SMURF1: variants seen among roughly 807,000 people sequenced by gnomAD.
SMURF1 encodes SMAD specific E3 ubiquitin protein ligase 1.
Under a neutral mutation model 98.0 loss-of-function variants are expected in SMURF1, and 44 were observed. The ratio of observed to expected loss-of-function variants is 0.45; its 90% confidence interval spans 0.35 to 0.58. The LOEUF (loss-of-function observed/expected upper bound fraction) is 0.58, where lower values mean the gene tolerates loss of function less well. SMURF1 is among the 20% of genes least tolerant of loss of function. The pLI is 0.00. For missense variants in SMURF1, 687 were observed against 938.4 expected (o/e 0.73, Z 3.50); for synonymous variants, 396 against 374.9 (o/e 1.06, Z -0.65).
At chr7:99,053,486 A>T (rs1795809972) in intron 6 of SMURF1, among the ~76,000 whole-genome samples, 1 of 152,204 alleles carries the variant, frequency 6.6e-6, no homozygotes, top group African/African-American at 2.4e-5. Flanking sequence ...ATTGTCTCAT[A>T]AATCAGGATC....
At chr7:99,092,550 C>T (rs1051715213) in intron 1 of SMURF1, among the ~76,000 whole-genome samples, 2 of 152,192 alleles carry the variant, frequency 1.3e-5, no homozygotes, top group East Asian at 1.9e-4. Flanking sequence ...GTTTCAGCCT[C>T]GTACTGTCAA....
chr7:99,061,692 A>T, intron 2 of SMURF1, 107 bp downstream of exon 2: 1 of 797,388 alleles, frequency 1.3e-6, no homozygotes, highest in Non-Finnish European at 1.9e-6. Flanking sequence ...TCTATTAAGT[A>T]AAGGGCAAAA....
At chr7:99,138,016 C>A (rs1483125027) in intron 1 of SMURF1, among the ~76,000 whole-genome samples, 1 of 152,044 alleles carries the variant, frequency 6.6e-6, no homozygotes, top group African/African-American at 2.4e-5. Context: ...AGAATGAGTT[C>A]CCTGGACAAG....
chr7:99,041,058 A>G (rs1795359838), intron 12 of SMURF1, among the ~76,000 whole-genome samples: 1 of 152,150 alleles, frequency 6.6e-6, no homozygotes, highest in Non-Finnish European at 1.5e-5. Flanking sequence ...AAGAAATGCT[A>G]AGGGGGAGAA....
At chr7:99,097,170 C>T (rs1455728453) in intron 1 of SMURF1, among the ~76,000 whole-genome samples, 4 of 151,610 alleles carry the variant, frequency 2.6e-5, no homozygotes, top group African/African-American at 9.7e-5. Context: ...AAAAAAGTTG[C>T]AAATCAGGCA....
chr7:99,094,258 A>C (rs1455840394), intron 1 of SMURF1, among the ~76,000 whole-genome samples: 1 of 152,244 alleles, frequency 6.6e-6, no homozygotes, highest in East Asian at 1.9e-4. Context: ...GTCTCTATTA[A>C]TTGAAAACAC....
intron 1 of SMURF1, among the ~76,000 whole-genome samples, chr7:99,067,746 G>A (rs1796228883): frequency 6.6e-6 from 1 of 152,176 alleles, no homozygotes; most frequent in Admixed American, 6.5e-5. Flanking sequence ...GAGGCCAGGA[G>A]TTCCAGACCA....
intron 1 of SMURF1, among the ~76,000 whole-genome samples, chr7:99,141,925 G>A (rs943282017): frequency 1.4e-4 from 21 of 152,196 alleles, no homozygotes; most frequent in Admixed American, 1.2e-3. Flanking sequence ...ACGGGGATTA[G>A]AATGAACTTT....
chr7:99,037,320 C>T (rs1795183796), intron 14 of SMURF1, 133 bp from the exon 15 acceptor site: 2 of 1,095,510 alleles, frequency 1.8e-6, no homozygotes, highest in South Asian at 1.4e-5. Context: ...TCACTGCAAC[C>T]TCAGCCTCCT....
At chr7:99,086,283 TTTCA>T (rs1796676693) in intron 1 of SMURF1, among the ~76,000 whole-genome samples, 1 of 151,690 alleles carries the variant, frequency 6.6e-6, no homozygotes, top group Non-Finnish European at 1.5e-5. Flanking sequence ...GAGACGGAAG[TTTCA>T]TTGAGCCAAG....
At chr7:99,142,481 G>A (rs1031184208) in intron 1 of SMURF1, among the ~76,000 whole-genome samples, 1 of 151,552 alleles carries the variant, frequency 6.6e-6, no homozygotes, top group Admixed American at 6.6e-5. Context: ...AGCAGGACTG[G>A]GAGCAGCTAC....
intron 1 of SMURF1, among the ~76,000 whole-genome samples, chr7:99,065,334 A>C (rs530442569): frequency 6.6e-6 from 1 of 152,216 alleles, no homozygotes; most frequent in South Asian, 2.1e-4. Flanking sequence ...GCAATCCACC[A>C]GCCTCGGCCT....
At chr7:99,108,690 C>T (rs1201627528) in intron 1 of SMURF1, among the ~76,000 whole-genome samples, 2 of 148,882 alleles carry the variant, frequency 1.3e-5, no homozygotes, top group African/African-American at 4.9e-5. Context: ...ATTAGATGAG[C>T]AGAGCATTTT....
intron 1 of SMURF1, among the ~76,000 whole-genome samples, chr7:99,072,327 C>T (rs1388586657): frequency 6.6e-6 from 1 of 152,082 alleles, no homozygotes; most frequent in African/African-American, 2.4e-5. Flanking sequence ...CCAACCGAGG[C>T]AGTATTAATT....
intron 1 of SMURF1, among the ~76,000 whole-genome samples, chr7:99,102,928 C>T (rs1389110176): frequency 6.6e-6 from 1 of 151,984 alleles, no homozygotes; most frequent in African/African-American, 2.4e-5. Context: ...CTCAGCCTCC[C>T]AAGTAGCTGA....
intron 1 of SMURF1, 30 bp downstream of exon 1, chr7:99,143,696 G>C: frequency 6.5e-7 from 1 of 1,540,004 alleles, no homozygotes; most frequent in Admixed American, 2.0e-5. Flanking sequence ...GGGGGCGCCG[G>C]GGCGCGGGTG....
chr7:99,039,193 CAAAAAAAAA>C (rs34106810), intron 13 of SMURF1, among the ~76,000 whole-genome samples: 4 of 60,476 alleles, frequency 6.6e-5, no homozygotes, highest in African/African-American at 6.0e-5. Flanking sequence ...GACTCTGTCT[CAAAAAAAAA>C]AAAAAAAAAA....
chr7:99,122,745 CTTTTT>C (rs373204946), intron 1 of SMURF1, among the ~76,000 whole-genome samples: 17 of 112,424 alleles, frequency 1.5e-4, no homozygotes, highest in Non-Finnish European at 2.2e-4. Flanking sequence ...TTCTTTCTTT[CTTTTT>C]TTTTTTTTTT....
chr7:99,121,690 C>G (rs914996199), intron 1 of SMURF1, among the ~76,000 whole-genome samples: 2 of 152,192 alleles, frequency 1.3e-5, no homozygotes, highest in African/African-American at 4.8e-5. Flanking sequence ...CTTGTCCTTT[C>G]CCAAGAGGTC....
Sources: gnomAD v4.1 joint callset for allele counts (sites outside exome capture counted in the v4.1 genomes callset) on GRCh38, gnomAD v4.1.1 for gene constraint, MANE v1.5 for transcripts, NCBI Gene and HGNC (gene_info 2026-07-23, HGNC 2026-07-21) for gene names.